Variants in TGFBR3 observed in about 807,000 individuals in gnomAD.
TGFBR3 encodes transforming growth factor beta receptor 3, also known as transforming growth factor beta receptor type 3.
In TGFBR3, 46 loss-of-function variants were observed where a neutral mutation model predicts 87.9. The ratio of observed to expected loss-of-function variants is 0.52; its 90% CI spans 0.41 to 0.67. The LOEUF (loss-of-function observed/expected upper bound fraction) is 0.67, where lower values mean the gene tolerates loss of function less well. Ranked by LOEUF, TGFBR3 falls within the 30% of genes least tolerant of loss-of-function variation. TGFBR3 has a pLI of 0.00. For missense variants in TGFBR3, 866 were observed against 1,041.9 expected, an observed-to-expected ratio of 0.83 and a Z score of 2.32; for synonymous variants, 381 against 391.6, an observed-to-expected ratio of 0.97 and a Z score of 0.32.
At chr1:91,713,297 A>C (rs997701778) in intron 12 of TGFBR3, among the ~76,000 whole-genome samples, 1 of 152,214 alleles carries the variant, frequency 6.6e-6, no homozygotes, top group African/African-American at 2.4e-5. Context: ...GCTACGTCCA[A>C]ATTTTGTTAA....
intron 1 of TGFBR3, among the ~76,000 whole-genome samples, chr1:91,873,260 C>G (rs1678656552): frequency 6.7e-6 from 1 of 149,816 alleles, no homozygotes; most frequent in Non-Finnish European, 1.5e-5. Context: ...GGTAAGCCAT[C>G]ACACCTGGCC....
chr1:91,784,903 T>C (rs903025151), intron 3 of TGFBR3, among the ~76,000 whole-genome samples: 7 of 152,212 alleles, frequency 4.6e-5, no homozygotes, highest in African/African-American at 1.7e-4. Flanking sequence ...CTTCATCCTC[T>C]ATTACAGGAA....
At chr1:91,736,005 T>C (rs1672954824) in intron 4 of TGFBR3, among the ~76,000 whole-genome samples, 1 of 152,256 alleles carries the variant, frequency 6.6e-6, no homozygotes, top group African/African-American at 2.4e-5. Context: ...GCAGGGATTT[T>C]ATTAGTGGTT....
chr1:91,845,183 C>T (rs1256820769), intron 2 of TGFBR3, among the ~76,000 whole-genome samples: 21 of 152,148 alleles, frequency 1.4e-4, no homozygotes, highest in Admixed American at 1.4e-3. Flanking sequence ...CGAAATGTTT[C>T]GGCACAGTCC....
At chr1:91,881,621 C>T (rs1175178264) in intron 1 of TGFBR3, among the ~76,000 whole-genome samples, 1 of 152,126 alleles carries the variant, frequency 6.6e-6, no homozygotes, top group Admixed American at 6.5e-5. Flanking sequence ...TAAATAAATG[C>T]CACTCTGTAG....
chr1:91,713,075 A>G (rs1475951144), intron 12 of TGFBR3, among the ~76,000 whole-genome samples: 2 of 152,186 alleles, frequency 1.3e-5, no homozygotes, highest in Admixed American at 1.3e-4. Context: ...ATCGGCGAGA[A>G]GGCAGAGCTG....
chr1:91,784,602 C>G (rs1228950896), intron 3 of TGFBR3, among the ~76,000 whole-genome samples: 1 of 152,162 alleles, frequency 6.6e-6, no homozygotes, highest in Non-Finnish European at 1.5e-5. Context: ...GTAAAGCAAT[C>G]AGGCAAGGGT....
chr1:91,734,793 T>C lies in TGFBR3; in HGVS notation c.551A>G (p.Tyr184Cys). 1 of 1,614,200 alleles carries C rather than the reference T, an allele frequency of 6.2e-7. No homozygotes were observed. The highest frequency in any genetic ancestry group is 8.5e-7 in the Non-Finnish European group (1 of 1,180,018). Residue 184 changes from tyrosine to cysteine, a missense_variant, in exon 5 of 17, where the codon TAT becomes TGT. Physicochemically the swap from Tyr to Cys is radical, Grantham distance 194. Coordinates refer to ENST00000212355, the MANE Select transcript of TGFBR3 (RefSeq NM_003243.5). ...FTELKIARNI[Y>C]IKVGEDQVFP... ...AAATTTACCTTCCCCCACTTTAATA[T>C]AAATGTTTCTTGCTATCTTGAGTTC...
intron 2 of TGFBR3, among the ~76,000 whole-genome samples, chr1:91,814,312 C>A (rs183634230): frequency 6.6e-6 from 1 of 152,262 alleles, no homozygotes; most frequent in Admixed American, 6.5e-5. Flanking sequence ...TAAGCTCCTT[C>A]CTGAAATGAA....
At chr1:91,837,618 C>G (rs1178364246) in intron 2 of TGFBR3, among the ~76,000 whole-genome samples, 1 of 152,082 alleles carries the variant, frequency 6.6e-6, no homozygotes, top group Non-Finnish European at 1.5e-5. Context: ...AACCCATTAA[C>G]AAATTTAAAT....
chr1:91,833,291 G>C (rs1274697827), intron 2 of TGFBR3, among the ~76,000 whole-genome samples: 1 of 48,142 alleles, frequency 2.1e-5, no homozygotes, highest in Non-Finnish European at 3.2e-5. Flanking sequence ...AGGAGACTCC[G>C]ACTCAAAAAA....
At chr1:91,889,278 A>G (rs959794852), upstream of TGFBR3, among the ~76,000 whole-genome samples, 2 of 152,202 alleles carry the variant, frequency 1.3e-5, no homozygotes, top group Non-Finnish European at 2.9e-5. Context: ...CCTTTATACA[A>G]ACTGAGATCT....
intron 16 of TGFBR3, among the ~76,000 whole-genome samples, chr1:91,692,237 GT>G (rs899120878): frequency 6.6e-6 from 1 of 152,130 alleles, no homozygotes; most frequent in Admixed American, 6.5e-5. Flanking sequence ...ATAACAGGAG[GT>G]CTAGAGCAAA....
At chr1:91,859,386 C>T (rs906420905) in intron 2 of TGFBR3, among the ~76,000 whole-genome samples, 2 of 145,738 alleles carry the variant, frequency 1.4e-5, no homozygotes, top group African/African-American at 2.6e-5. Flanking sequence ...TCCATCAAGC[C>T]GCTTCTCTCC....
At chr1:91,859,908 C>CA (rs544117317) in intron 2 of TGFBR3, among the ~76,000 whole-genome samples, 3,731 of 85,308 alleles carry the variant, frequency 0.044, 75 homozygotes, top group Admixed American at 0.067. Flanking sequence ...GACTCCATCT[C>CA]AAAAAAAAAA....
intron 16 of TGFBR3, among the ~76,000 whole-genome samples, chr1:91,686,713 G>T (rs1302699599): frequency 6.6e-6 from 1 of 152,174 alleles, no homozygotes; most frequent in East Asian, 1.9e-4. Flanking sequence ...AGAGACCCCT[G>T]GGTTTTCTGA....
chr1:91,879,777 TAACA>T (rs1415686358), intron 1 of TGFBR3, among the ~76,000 whole-genome samples: 1 of 152,158 alleles, frequency 6.6e-6, no homozygotes, highest in African/African-American at 2.4e-5. Flanking sequence ...CAATGTCAGT[TAACA>T]AACAAATGTG....
At chr1:91,750,453 C>G (rs956900392) in intron 4 of TGFBR3, among the ~76,000 whole-genome samples, 2 of 152,098 alleles carry the variant, frequency 1.3e-5, no homozygotes, top group African/African-American at 4.8e-5. Context: ...CTTGTTTGAA[C>G]TAGGGTAGTT....
intron 13 of TGFBR3, among the ~76,000 whole-genome samples, chr1:91,710,906 C>T (rs1051196799): frequency 1.3e-5 from 2 of 152,142 alleles, no homozygotes; most frequent in South Asian, 2.1e-4. Context: ...CATGTCATCC[C>T]CTGAGGCTTA....
Sources: gnomAD v4.1 joint callset for allele counts (sites outside exome capture counted in the v4.1 genomes callset) on GRCh38, gnomAD v4.1.1 for gene constraint, MANE v1.5 for transcripts, NCBI Gene and HGNC (gene_info 2026-07-23, HGNC 2026-07-21) for gene names.